The following DNAH7 variants were observed in gnomAD, a reference collection of about 807,000 sequenced individuals.
DNAH7 encodes the protein dynein axonemal heavy chain 7, also known as axonemal beta dynein heavy chain 7.
DNAH7 carries 397 observed loss-of-function variants against 444.6 expected under a neutral mutation model. The ratio of observed to expected loss-of-function variants is 0.89; its 90% CI spans 0.82 to 0.97. The LOEUF (loss-of-function observed/expected upper bound fraction) is 0.97, where lower values mean the gene tolerates loss of function less well. Among genes scored for constraint, DNAH7 ranks in the 50% least tolerant of loss-of-function variants. The probability of loss-of-function intolerance (pLI) is 0.00; values close to 1 mark genes in which losing one functional copy is unlikely to be tolerated. For missense variants in DNAH7, 4,902 were observed against 4,800.8 expected (o/e 1.02, Z -0.62); for synonymous variants, 1,636 against 1,624.4 (o/e 1.01, Z -0.17).
chr2:195,778,643 A>AATATAT lies in DNAH7; in HGVS notation c.10879-664_10879-659dup, dbSNP rs1169066622. Among the ~76,000 whole-genome samples, 325 of 56,206 alleles carry AATATAT rather than the reference A, an allele frequency of 5.8e-3. 44 individuals carry two copies. The highest frequency in any genetic ancestry group is 0.026 in the South Asian group (41 of 1,558). The allele number at this position is 56,206 out of a possible 152,430, so 36.9% of individuals were successfully genotyped here. A position where few individuals can be genotyped will look rare whatever the true frequency, so the allele number is the denominator to read the frequency against. On this transcript the variant is annotated intron_variant, in intron 58 of 64. Transcript: ENST00000312428. The stretch of plus-strand genomic sequence containing the variant: ...GAAAAAAAAAAAAAATAAATAAATA[A>AATATAT]ATATATATATATATATATATATATA...
rs182082901 is a variant in DNAH7 at position 195,968,092 on chromosome 2, C to A, written c.2205+1856G>T. Among the ~76,000 whole-genome samples the A allele has an allele frequency of 2.6e-5, 4 of 152,340 alleles. No individual in the cohort carries two copies. The East Asian group carries it at 5.8e-4, about 22-fold the overall frequency. Reference sequence around the variant, plus strand: ...GTGGTGAATACTGTCAGGCCTGGGACTCAGCCTTCAGGGCAGTGGGCTCCC... The same window carrying A: ...GTGGTGAATACTGTCAGGCCTGGGAATCAGCCTTCAGGGCAGTGGGCTCCC... On this transcript the variant is annotated intron_variant, in intron 17 of 64. Coordinates refer to ENST00000312428, the MANE Select transcript of DNAH7 (RefSeq NM_018897.3).
chr2:195,926,794 C>T (rs1319039466), intron 21 of DNAH7, among the ~76,000 whole-genome samples: 1 of 151,948 alleles, frequency 6.6e-6, no homozygotes, highest in Non-Finnish European at 1.5e-5. Context: ...TCCTGATGTA[C>T]TATCAATTTG....
In DNAH7 at chr2:195,923,576, A is replaced by G. The variant is rs1410979745; in HGVS notation, c.3825+19T>C. 1 of 1,610,862 alleles carries G rather than the reference A, an allele frequency of 6.2e-7. No homozygotes were observed. Among genetic ancestry groups the G allele is most frequent in the African/African-American group, 1.3e-5 (1 of 74,864 alleles). ...AGCTGAAATTGCTGTGTAATATAACATTCAGTGATACCACTTACTTGCCAG... is the reference window on the plus strand; with the variant it reads ...AGCTGAAATTGCTGTGTAATATAACGTTCAGTGATACCACTTACTTGCCAG... On this transcript the variant is annotated intron_variant, in intron 23 of 64. Transcript: ENST00000312428.
rs756077098 is a variant in DNAH7 at position 195,923,750 on chromosome 2, C to A, written c.3670G>T (p.Val1224Leu). 1.2e-6 allele frequency: 2 copies of A among 1,613,938 alleles called. No homozygotes were observed. Among genetic ancestry groups the A allele is most frequent in the Non-Finnish European group, 8.5e-7 (1 of 1,180,010 alleles). The stretch of plus-strand genomic sequence containing the variant: ...TTCTGCATGGACAATTTGCCACGCA[C>A]CAAAGTGACAATATCATCAATTTGT... ...NRQIDDIVTL[V>L]RGKLSMQNRV... is the part of the protein sequence containing the mutation. Residue 1224 changes from valine (V) to leucine (L), a missense_variant, in exon 23 of 65, where the codon GTG becomes TTG. By Grantham distance (32) the Val-to-Leu change is conservative (BLOSUM62 1). Coordinates refer to ENST00000312428, the MANE Select transcript of DNAH7 (RefSeq NM_018897.3).
chr2:196,001,881 A>C, intron 10 of DNAH7, 23 bp from the exon 11 acceptor site: 1 of 1,577,962 alleles, frequency 6.3e-7, no homozygotes, highest in Non-Finnish European at 8.6e-7. Context: ...AAAGACTTTT[A>C]AAAGTCAGTG....
chr2:195,756,425 A>AG, intron 61 of DNAH7, 140 bp from the exon 62 acceptor site: 1 of 702,532 alleles, frequency 1.4e-6, no homozygotes. Context: ...GGAAAAAAAA[A>AG]AAGTGAAGAT....
chr2:195,929,309 CT>C (rs1449762634), intron 21 of DNAH7, among the ~76,000 whole-genome samples: 2 of 152,066 alleles, frequency 1.3e-5, no homozygotes, highest in African/African-American at 4.8e-5. Flanking sequence ...CCAAAGCAAC[CT>C]ACAAATTCAA....
chr2:195,838,890 A>C (rs539675877), intron 47 of DNAH7, among the ~76,000 whole-genome samples: 27 of 152,076 alleles, frequency 1.8e-4, no homozygotes, highest in Middle Eastern at 3.4e-3. Flanking sequence ...AAGACATAAT[A>C]GTCTTTAATG....
Position 195,891,721 on chromosome 2 carries a change from A to G in DNAH7, c.4980T>C (p.Asp1660=). 1 of 1,609,454 alleles carries G rather than the reference A, an allele frequency of 6.2e-7. No homozygotes were observed. Among genetic ancestry groups the G allele is most frequent in the Non-Finnish European group, 8.5e-7 (1 of 1,177,976 alleles). The part of the protein sequence containing the change: ...VTMGQLYGQF[D]SVSHEWSDGV... ...CATCAGACCATTCATGGGACACTGA[A>G]TCAAACTGTCCGTACAGTTGGCCCA... is the stretch of plus-strand genomic sequence containing the variant. The change falls in exon 31 of 65, where the codon GAT becomes GAC. Residue 1660 remains aspartate, a synonymous_variant. Coordinates refer to ENST00000312428, the MANE Select transcript of DNAH7 (RefSeq NM_018897.3).
intron 17 of DNAH7, among the ~76,000 whole-genome samples, chr2:195,969,551 A>G (rs987837164): frequency 2.6e-5 from 4 of 152,184 alleles, no homozygotes; most frequent in Non-Finnish European, 5.9e-5. Context: ...TTAAAACAAG[A>G]CCACTAAATC....
chr2:195,917,477 G>A (rs1687761178), intron 24 of DNAH7, among the ~76,000 whole-genome samples: 1 of 152,342 alleles, frequency 6.6e-6, no homozygotes, highest in African/African-American at 2.4e-5. Flanking sequence ...AGCATGTCAA[G>A]TCAAAAGGTC....
intron 12 of DNAH7, among the ~76,000 whole-genome samples, chr2:195,993,741 T>G (rs183729148): frequency 6.6e-6 from 1 of 152,360 alleles, no homozygotes; most frequent in Admixed American, 6.5e-5. Flanking sequence ...GAAGTCCATT[T>G]CATACTTTTG....
At chr2:195,836,264 C>A (rs1698367204) in intron 47 of DNAH7, among the ~76,000 whole-genome samples, 1 of 152,268 alleles carries the variant, frequency 6.6e-6, no homozygotes, top group East Asian at 1.9e-4. Context: ...CGCTTCTAAT[C>A]CCAGTGCTTT....
At chr2:195,954,682 A>G (rs1471607138) in intron 19 of DNAH7, among the ~76,000 whole-genome samples, 2 of 152,204 alleles carry the variant, frequency 1.3e-5, no homozygotes, top group African/African-American at 4.8e-5. Context: ...CATCCTCTCC[A>G]GCACCTGTTG....
At chr2:195,770,123 C>T (rs1194673418) in intron 61 of DNAH7, among the ~76,000 whole-genome samples, 2 of 152,140 alleles carry the variant, frequency 1.3e-5, no homozygotes, top group Admixed American at 1.3e-4. Flanking sequence ...TCAGTAATAA[C>T]TCATAAGCAG....
chr2:195,913,205 A>G (rs1183889083), intron 24 of DNAH7, among the ~76,000 whole-genome samples: 6 of 152,184 alleles, frequency 3.9e-5, no homozygotes, highest in Admixed American at 1.3e-4. Context: ...ATTTAAAAAC[A>G]AAGTTTAATT....
chr2:195,813,962 CTG>C (rs763688723), intron 51 of DNAH7, among the ~76,000 whole-genome samples: 32 of 152,276 alleles, frequency 2.1e-4, no homozygotes, highest in South Asian at 1.2e-3. Context: ...AAAGCAGACA[CTG>C]TGTGATTTTA....
chr2:196,009,564 G>A (rs6745690), intron 10 of DNAH7, among the ~76,000 whole-genome samples: 16,498 of 152,148 alleles, frequency 0.11, 1,419 homozygotes, highest in African/African-American at 0.24. Context: ...AGGTGCTGAC[G>A]TGACATTCAA....
chr2:195,775,708 T>C, intron 60 of DNAH7, 138 bp downstream of exon 60: 2 of 862,036 alleles, frequency 2.3e-6, no homozygotes, highest in Non-Finnish European at 1.7e-6. Flanking sequence ...TTAAGTTATG[T>C]ATGTATTTTT....
Sources: allele counts gnomAD v4.1 joint callset (sites outside exome capture counted in the v4.1 genomes callset), GRCh38; gene constraint gnomAD v4.1.1; transcripts MANE v1.5; gene names NCBI Gene and HGNC (gene_info 2026-07-23, HGNC 2026-07-21).